The following TGFB2 variants were observed in gnomAD, a reference collection of about 807,000 sequenced individuals.
TGFB2 encodes transforming growth factor beta 2, also known as transforming growth factor beta-2 proprotein.
Under a neutral mutation model 42.7 loss-of-function variants are expected in TGFB2, and 13 were observed. The observed-to-expected ratio is 0.30, with a 90% confidence interval of 0.20 to 0.48. The LOEUF (loss-of-function observed/expected upper bound fraction) is 0.48. TGFB2 is among the 20% of genes least tolerant of loss of function. The pLI, the probability that TGFB2 is intolerant of heterozygous loss-of-function variation, is 0.99. For missense variants in TGFB2, 390 were observed against 517.5 expected (o/e 0.75, Z 2.39); for synonymous variants, 193 against 193.6 (o/e 1.00, Z 0.03).
intron 1 of TGFB2, among the ~76,000 whole-genome samples, chr1:218,366,615 G>A (rs75317122): frequency 0.027 from 4,039 of 152,266 alleles, 159 homozygotes; most frequent in African/African-American, 0.089. Flanking sequence ...CCTGACCCGA[G>A]GTGGTGTTTC....
chr1:218,345,360 G>T lies in TGFB2; in HGVS notation c.-1342G>T, dbSNP rs978329367. 1 of 152,310 alleles carries T rather than the reference G, an allele frequency of 6.6e-6. No homozygotes were observed. The highest frequency in any genetic ancestry group is 2.4e-5 in the African/African-American group (1 of 41,460). 9.4% of individuals were successfully genotyped at this position (152,310 alleles called of 1,614,324 possible). A position where few individuals can be genotyped will look rare whatever the true frequency, so the allele number is the denominator to read the frequency against. On this transcript the variant is annotated 5_prime_UTR_variant, in exon 1 of 7. Coordinates refer to ENST00000366930, the MANE Select transcript of TGFB2 (RefSeq NM_003238.6). ...TGATGTTATCTGCTGGCAGCAGAAG[G>T]TTCGCTCCGAGCGGAGCTCCAGAAG...
chr1:218,421,213 T>C (rs1659443711), intron 2 of TGFB2, among the ~76,000 whole-genome samples: 1 of 152,174 alleles, frequency 6.6e-6, no homozygotes, highest in Non-Finnish European at 1.5e-5. Flanking sequence ...AAATTCTCTT[T>C]CTTGCTTTCT....
At chr1:218,435,347 A>C (rs1441985183) in intron 4 of TGFB2, among the ~76,000 whole-genome samples, 1 of 152,172 alleles carries the variant, frequency 6.6e-6, no homozygotes, top group Non-Finnish European at 1.5e-5. Context: ...CAGTCTCTTG[A>C]GCATGCTTTG....
At position 218,444,160 on chromosome 1, in the gene TGFB2, G is replaced by A. The variant is rs1170598425; in HGVS notation, c.*2798G>A. 2 of 152,120 alleles carry A rather than the reference G, an allele frequency of 1.3e-5. No individual in the cohort carries two copies. Among genetic ancestry groups the A allele is most frequent in the Non-Finnish European group, 2.9e-5 (2 of 68,014 alleles). The allele number at this position is 152,120 out of a possible 1,614,324, so 9.4% of individuals were successfully genotyped here. On this transcript the variant is annotated 3_prime_UTR_variant, in exon 7 of 7. Coordinates refer to ENST00000366930, the MANE Select transcript of TGFB2 (RefSeq NM_003238.6). Reference sequence around the variant, plus strand: ...AGAAGTCATGCTTTAAAGCACAAGAGTCAGGCCATATCCATCAAGGATAGA... The same window carrying A: ...AGAAGTCATGCTTTAAAGCACAAGAATCAGGCCATATCCATCAAGGATAGA...
At chr1:218,373,524 AT>A (rs1657642801) in intron 1 of TGFB2, among the ~76,000 whole-genome samples, 1 of 151,896 alleles carries the variant, frequency 6.6e-6, no homozygotes, top group Admixed American at 6.6e-5. Flanking sequence ...CAGTTATGGA[AT>A]AGTTATATTA....
intron 1 of TGFB2, among the ~76,000 whole-genome samples, chr1:218,388,950 A>C (rs988611026): frequency 1.3e-5 from 2 of 152,124 alleles, no homozygotes; most frequent in African/African-American, 2.4e-5. Context: ...AAGGCACTCT[A>C]TACAGGGTTC....
At position 218,413,234 on chromosome 1, in the gene TGFB2, G is replaced by A. The variant is rs1209064232; in HGVS notation, c.510+7902G>A. Among the ~76,000 whole-genome samples, 5 of 152,258 alleles carry A rather than the reference G, an allele frequency of 3.3e-5. No individual in the cohort carries two copies. In the East Asian group the frequency reaches 5.8e-4, roughly 18 times the overall value. The stretch of plus-strand genomic sequence containing the variant: ...TAAAAAATACAAAAATTAGCTGGGC[G>A]CGGTGGCACATGCCTGTAAACCCAG... On this transcript the variant is annotated intron_variant, in intron 2 of 6. Coordinates refer to ENST00000366930, the MANE Select transcript of TGFB2 (RefSeq NM_003238.6).
At chr1:218,432,415 T>G (rs1659835999) in intron 2 of TGFB2, among the ~76,000 whole-genome samples, 1 of 152,182 alleles carries the variant, frequency 6.6e-6, no homozygotes, top group Non-Finnish European at 1.5e-5. Context: ...AGAATAAGTC[T>G]TGTGTAAAAT....
intron 1 of TGFB2, among the ~76,000 whole-genome samples, chr1:218,348,764 G>A (rs950272830): frequency 6.6e-6 from 1 of 152,148 alleles, no homozygotes; most frequent in African/African-American, 2.4e-5. Context: ...CATGTGCATC[G>A]GTTCTACCGG....
chr1:218,366,510 T>C (rs1164029821), intron 1 of TGFB2, among the ~76,000 whole-genome samples: 3 of 152,166 alleles, frequency 2.0e-5, no homozygotes, highest in African/African-American at 4.8e-5. Flanking sequence ...GGGGTCTTGC[T>C]ATATTGCCCA....
At chr1:218,367,717 T>C (rs1657430311) in intron 1 of TGFB2, among the ~76,000 whole-genome samples, 1 of 152,194 alleles carries the variant, frequency 6.6e-6, no homozygotes, top group African/African-American at 2.4e-5. Flanking sequence ...TAACTGCAAA[T>C]ACAGATATAA....
chr1:218,360,656 C>T (rs540744734), intron 1 of TGFB2, among the ~76,000 whole-genome samples: 1 of 151,956 alleles, frequency 6.6e-6, no homozygotes, highest in South Asian at 2.1e-4. Context: ...GCACATGTAT[C>T]CCGGAACTTA....
intron 1 of TGFB2, among the ~76,000 whole-genome samples, chr1:218,376,310 G>A (rs948997986): frequency 3.3e-5 from 5 of 152,156 alleles, no homozygotes; most frequent in Admixed American, 6.5e-5. Flanking sequence ...ACAACCAGGC[G>A]GAACATCAGC....
intron 5 of TGFB2, among the ~76,000 whole-genome samples, chr1:218,436,622 G>C (rs1659979682): frequency 6.6e-6 from 1 of 152,192 alleles, no homozygotes; most frequent in East Asian, 1.9e-4. Context: ...TATGAGAGAA[G>C]CAAGAAGAAT....
At chr1:218,352,800 T>C (rs1346416278) in intron 1 of TGFB2, among the ~76,000 whole-genome samples, 9 of 152,220 alleles carry the variant, frequency 5.9e-5, no homozygotes, top group Non-Finnish European at 1.2e-4. Flanking sequence ...AATGTCTGCA[T>C]GGATGGATGG....
chr1:218,365,328 C>T (rs1485266144), intron 1 of TGFB2, among the ~76,000 whole-genome samples: 1 of 152,116 alleles, frequency 6.6e-6, no homozygotes, highest in East Asian at 1.9e-4. Flanking sequence ...TTCATCTTTT[C>T]CTCCCATAGT....
At chr1:218,351,583 G>T (rs921034449) in intron 1 of TGFB2, among the ~76,000 whole-genome samples, 2 of 152,084 alleles carry the variant, frequency 1.3e-5, no homozygotes, top group African/African-American at 4.8e-5. Context: ...GAAAGCAGTT[G>T]GGTCGTCTTT....
chr1:218,361,325 G>C (rs546111754), intron 1 of TGFB2, among the ~76,000 whole-genome samples: 13 of 152,320 alleles, frequency 8.5e-5, no homozygotes, highest in African/African-American at 3.1e-4. Flanking sequence ...GGAAAGAAAA[G>C]AAGGGATTTT....
At chr1:218,383,398 G>A (rs1028771739) in intron 1 of TGFB2, among the ~76,000 whole-genome samples, 1 of 152,160 alleles carries the variant, frequency 6.6e-6, no homozygotes, top group Admixed American at 6.5e-5. Context: ...ATAGTCTATT[G>A]CAAATATGAA....
Sources: gnomAD v4.1 joint callset for allele counts (sites outside exome capture counted in the v4.1 genomes callset) on GRCh38, gnomAD v4.1.1 for gene constraint, MANE v1.5 for transcripts, NCBI Gene and HGNC (gene_info 2026-07-23, HGNC 2026-07-21) for gene names.